The following ASCC3 variants were observed in gnomAD, a reference collection of about 807,000 sequenced individuals.
ASCC3 encodes ASC-1 complex subunit P200.
ASCC3 carries 158 observed loss-of-function variants against 256.3 expected under a neutral mutation model. That is an observed-to-expected ratio of 0.62 (90% CI 0.54 to 0.70). The LOEUF is 0.70. ASCC3 is among the 30% of genes least tolerant of loss of function. ASCC3 has a pLI of 0.00. For synonymous variants in ASCC3, 948 were observed against 883.4 expected, an observed-to-expected ratio of 1.07 and a Z score of -1.30; for missense variants, 2,259 against 2,626.0, an observed-to-expected ratio of 0.86 and a Z score of 3.05.
intron 30 of ASCC3, among the ~76,000 whole-genome samples, chr6:100,608,747 A>AC (rs1187500422): frequency 5.4e-5 from 2 of 37,044 alleles, no homozygotes; most frequent in African/African-American, 2.1e-4. Flanking sequence ...ATATATATAT[A>AC]TATATATATA....
intron 3 of ASCC3, among the ~76,000 whole-genome samples, chr6:100,852,882 G>T (rs1435856405): frequency 6.6e-6 from 1 of 151,894 alleles, no homozygotes; most frequent in African/African-American, 2.4e-5. Context: ...CACTTAGAAG[G>T]TCCCTACAAT....
intron 3 of ASCC3, among the ~76,000 whole-genome samples, chr6:100,853,420 CTTTT>C (rs11299576): frequency 6.3e-5 from 8 of 127,664 alleles, no homozygotes; most frequent in East Asian, 2.3e-4. Context: ...ATAAATATTC[CTTTT>C]TTTTTTTTTT....
intron 3 of ASCC3, chr6:100,858,112 G>A (rs1416389103): frequency 2.8e-6 from 1 of 360,864 alleles, no homozygotes; most frequent in African/African-American, 2.2e-5. Context: ...TGTTTATGAT[G>A]CTTTTGTAAA....
At chr6:100,681,030 A>T (rs1278991599) in intron 13 of ASCC3, among the ~76,000 whole-genome samples, 1 of 152,178 alleles carries the variant, frequency 6.6e-6, no homozygotes, top group Non-Finnish European at 1.5e-5. Flanking sequence ...ACACAAAGAC[A>T]TCTATACTTC....
intron 5 of ASCC3, among the ~76,000 whole-genome samples, chr6:100,802,173 A>G (rs1417089076): frequency 6.6e-6 from 1 of 151,982 alleles, no homozygotes; most frequent in Non-Finnish European, 1.5e-5. Flanking sequence ...TAAAGCAGTG[A>G]ATGTTTAAAT....
chr6:100,539,196 A>G (rs1238432245), intron 37 of ASCC3, among the ~76,000 whole-genome samples: 1 of 152,200 alleles, frequency 6.6e-6, no homozygotes, highest in Non-Finnish European at 1.5e-5. Flanking sequence ...GCACTACAGC[A>G]CTTAAGGTAT....
chr6:100,628,103 C>CA lies in ASCC3; in HGVS notation c.4376-117dup, dbSNP rs199967544. 1.4e-3 allele frequency: 1,292 copies of CA among 936,134 alleles called. 2 individuals are homozygous for CA. Among genetic ancestry groups the CA allele is most frequent in the Non-Finnish European group, 1.7e-3 (1,116 of 640,804 alleles). The allele number at this position is 936,134 out of a possible 1,614,324, so 58.0% of individuals were successfully genotyped here. A position where few individuals can be genotyped will look rare whatever the true frequency, so the allele number is the denominator to read the frequency against. The stretch of plus-strand genomic sequence containing the variant: ...CAAAAAACAAAAACAAAAAAAAAAA[C>CA]AAAAAAAAAGCTAAAGCTAGAACTA... On this transcript the variant is annotated intron_variant, in intron 27 of 41. Transcript: ENST00000369162.
At chr6:100,520,321 G>A (rs1050765034) in intron 37 of ASCC3, among the ~76,000 whole-genome samples, 11 of 152,058 alleles carry the variant, frequency 7.2e-5, no homozygotes, top group African/African-American at 1.9e-4. Context: ...TCTGGTCCTT[G>A]CTTTTCACTC....
chr6:100,769,362 T>C (rs922271330), intron 8 of ASCC3, among the ~76,000 whole-genome samples: 3 of 151,964 alleles, frequency 2.0e-5, no homozygotes, highest in African/African-American at 7.2e-5. Context: ...GAAGAAAAGA[T>C]TTTGAATGTT....
In ASCC3 at chr6:100,836,817, T is replaced by C. The variant is rs1179618688; in HGVS notation, c.801+11331A>G. 2.6e-5 allele frequency among the ~76,000 whole-genome samples: 4 copies of C among 152,088 alleles called. No individual in the cohort carries two copies. In the East Asian group the frequency reaches 7.7e-4, roughly 29 times the overall value. On this transcript the variant is annotated intron_variant, in intron 4 of 41. Transcript: ENST00000369162. ...TTTTGGAATAATTTGAGTAGAACTA[T>C]TACAAGGCCTTTATTGGCAGAATTC...
chr6:100,879,132 G>A (rs192450137), intron 1 of ASCC3, among the ~76,000 whole-genome samples: 6 of 152,286 alleles, frequency 3.9e-5, no homozygotes, highest in Non-Finnish European at 7.4e-5. Context: ...TATTACAAAG[G>A]ATACAGATGA....
chr6:100,773,675 T>C (rs1782045226), intron 8 of ASCC3, among the ~76,000 whole-genome samples: 1 of 152,160 alleles, frequency 6.6e-6, no homozygotes, highest in African/African-American at 2.4e-5. Context: ...AGATTGAAAC[T>C]AAGGATTCTG....
chr6:100,620,604 A>G (rs1485978542), intron 30 of ASCC3, among the ~76,000 whole-genome samples: 2 of 152,124 alleles, frequency 1.3e-5, no homozygotes, highest in African/African-American at 2.4e-5. Context: ...TTCTTGACTT[A>G]AGGTCACTGA....
intron 37 of ASCC3, chr6:100,530,137 T>C: frequency 1.8e-6 from 1 of 558,132 alleles, no homozygotes; most frequent in Non-Finnish European, 3.2e-6. Flanking sequence ...GTGTACACTG[T>C]CACATTTCTC....
At chr6:100,798,511 TAC>T (rs1277724959) in intron 8 of ASCC3, among the ~76,000 whole-genome samples, 200 bp downstream of exon 8, 3 of 151,992 alleles carry the variant, frequency 2.0e-5, no homozygotes, top group Non-Finnish European at 4.4e-5. Flanking sequence ...TGCACAAAAA[TAC>T]ACACATTTGT....
intron 4 of ASCC3, among the ~76,000 whole-genome samples, chr6:100,842,569 T>C (rs994468968): frequency 3.9e-5 from 6 of 152,206 alleles, no homozygotes; most frequent in Non-Finnish European, 7.3e-5. Flanking sequence ...TATAAAAATA[T>C]GATATAATGC....
intron 30 of ASCC3, among the ~76,000 whole-genome samples, chr6:100,616,986 T>TGTTGTC (rs1448430293): frequency 6.6e-6 from 1 of 151,600 alleles, no homozygotes; most frequent in Non-Finnish European, 1.5e-5. Flanking sequence ...AACTTTTTGT[T>TGTTGTC]GTTGTCGTTG....
intron 8 of ASCC3, among the ~76,000 whole-genome samples, chr6:100,771,287 A>G (rs1231148383): frequency 6.6e-6 from 1 of 152,188 alleles, no homozygotes; most frequent in African/African-American, 2.4e-5. Context: ...CTCAAAATAA[A>G]TCACTACCTG....
intron 33 of ASCC3, among the ~76,000 whole-genome samples, chr6:100,603,570 TG>T (rs1468829591): frequency 6.6e-6 from 1 of 152,106 alleles, no homozygotes; most frequent in Non-Finnish European, 1.5e-5. Flanking sequence ...TAAATTATGA[TG>T]TTTGATATAG....
Sources: allele counts gnomAD v4.1 joint callset (sites outside exome capture counted in the v4.1 genomes callset), GRCh38; gene constraint gnomAD v4.1.1; transcripts MANE v1.5; gene names NCBI Gene and HGNC (gene_info 2026-07-23, HGNC 2026-07-21).